Variants in ST3GAL3 observed in about 807,000 individuals in gnomAD.
ST3GAL3 encodes ST3 beta-galactoside alpha-2,3-sialyltransferase 3.
A neutral mutation model predicts 50.1 loss-of-function variants in ST3GAL3; 21 were observed. That is an observed-to-expected ratio of 0.42 (90% CI 0.30 to 0.60). The LOEUF (loss-of-function observed/expected upper bound fraction) is 0.60. ST3GAL3 is among the 20% of genes least tolerant of loss of function. The pLI, the probability that ST3GAL3 is intolerant of heterozygous loss-of-function variation, is 0.19. For synonymous variants in ST3GAL3, 183 were observed against 190.0 expected, an observed-to-expected ratio of 0.96 and a Z score of 0.30; for missense variants, 353 against 489.4, an observed-to-expected ratio of 0.72 and a Z score of 2.63.
At chr1:43,815,603 G>C (rs529779180) in intron 4 of ST3GAL3, among the ~76,000 whole-genome samples, 269 of 152,296 alleles carry the variant, frequency 1.8e-3, no homozygotes, top group Non-Finnish European at 3.5e-3. Context: ...CTAGTAGATA[G>C]CTTGGTTCAA....
chr1:43,900,653 G>T (rs1023175835), intron 9 of ST3GAL3: 15 of 152,352 alleles, frequency 9.8e-5, no homozygotes, highest in Admixed American at 5.9e-4. Context: ...ACAGTGAGAA[G>T]CTGATTGTTC....
chr1:43,713,552 TACTC>T (rs1349575071), intron 1 of ST3GAL3, among the ~76,000 whole-genome samples: 48 of 112,256 alleles, frequency 4.3e-4, no homozygotes, highest in African/African-American at 1.5e-3. Flanking sequence ...TTGAGAAAAG[TACTC>T]ACTCTATCAC....
At chr1:43,814,987 T>C in intron 4 of ST3GAL3, 54 bp downstream of exon 4, 1 of 1,557,612 alleles carries the variant, frequency 6.4e-7, no homozygotes, top group Non-Finnish European at 8.9e-7. Context: ...CTGTGAGAGC[T>C]GGGTCTCACT....
chr1:43,868,307 A>C (rs1282509360), intron 5 of ST3GAL3, among the ~76,000 whole-genome samples: 1 of 152,212 alleles, frequency 6.6e-6, no homozygotes, highest in Non-Finnish European at 1.5e-5. Flanking sequence ...ATGGAAGGAA[A>C]AGTCTGGAAG....
At chr1:43,849,248 T>C (rs940062555) in intron 5 of ST3GAL3, among the ~76,000 whole-genome samples, 1 of 151,866 alleles carries the variant, frequency 6.6e-6, no homozygotes, top group Non-Finnish European at 1.5e-5. Flanking sequence ...CTTTTTTTTT[T>C]TTCATATGGG....
In ST3GAL3 at chr1:43,851,661, G is replaced by T; in HGVS notation, c.302+13350G>T. ...ACCTCAACATCGCTGTCTTTGAGGG[G>T]CTGCGCCAGCATCTTGTCATGTGAG... On this transcript the variant is annotated intron_variant, in intron 5 of 11. Coordinates refer to ENST00000347631, the MANE Select transcript of ST3GAL3 (RefSeq NM_006279.5). 4 of 1,307,678 alleles carry T rather than the reference G, an allele frequency of 3.1e-6. No individual in the cohort carries two copies. The South Asian group carries it at 3.6e-5, about 12-fold the overall frequency. The allele number at this position is 1,307,678 out of a possible 1,614,324, so 81.0% of individuals were successfully genotyped here. A position where few individuals can be genotyped will look rare whatever the true frequency, so the allele number is the denominator to read the frequency against.
intron 5 of ST3GAL3, 91 bp downstream of exon 5, chr1:43,838,402 C>A: frequency 8.3e-7 from 1 of 1,208,100 alleles, no homozygotes; most frequent in South Asian, 1.2e-5. Context: ...GTCATGTTCT[C>A]CTATGCTCTG....
At chr1:43,763,037 G>T (rs1251842240) in intron 2 of ST3GAL3, among the ~76,000 whole-genome samples, 1 of 152,124 alleles carries the variant, frequency 6.6e-6, no homozygotes, top group Non-Finnish European at 1.5e-5. Context: ...TTCCCCTACT[G>T]GGATTCTTGC....
chr1:43,738,237 C>G (rs956331202), intron 2 of ST3GAL3: 2 of 152,194 alleles, frequency 1.3e-5, no homozygotes, highest in African/African-American at 4.8e-5. Context: ...TTGAAGGTGA[C>G]AAGCTGCTAT....
chr1:43,720,541 C>G (rs1278433949), intron 1 of ST3GAL3: 2 of 152,206 alleles, frequency 1.3e-5, no homozygotes, highest in African/African-American at 4.8e-5. Context: ...TGTATCATCT[C>G]ATGGCAGGAC....
At chr1:43,713,573 TGGA>T (rs2154059994) in intron 1 of ST3GAL3, among the ~76,000 whole-genome samples, 1 of 142,444 alleles carries the variant, frequency 7.0e-6, no homozygotes, top group East Asian at 2.3e-4. Context: ...TCACCCAGGC[TGGA>T]GTGCACTGGC....
intron 11 of ST3GAL3, among the ~76,000 whole-genome samples, chr1:43,928,186 A>G (rs533236968): frequency 6.6e-6 from 1 of 152,208 alleles, no homozygotes; most frequent in African/African-American, 2.4e-5. Flanking sequence ...TGGGGTTTCT[A>G]TATGTTGCCC....
At chr1:43,868,068 A>G (rs891526776) in intron 5 of ST3GAL3, among the ~76,000 whole-genome samples, 4 of 152,232 alleles carry the variant, frequency 2.6e-5, no homozygotes, top group East Asian at 1.9e-4. Flanking sequence ...TTATTTTAAT[A>G]TGCTGTTGCA....
At chr1:43,915,219 C>T (rs967036698) in intron 9 of ST3GAL3, among the ~76,000 whole-genome samples, 1 of 152,174 alleles carries the variant, frequency 6.6e-6, no homozygotes, top group Non-Finnish European at 1.5e-5. Context: ...AGCTGCTGGT[C>T]ACTGGGCGCC....
At chr1:43,907,214 A>G (rs1488762688) in intron 9 of ST3GAL3, among the ~76,000 whole-genome samples, 1 of 152,174 alleles carries the variant, frequency 6.6e-6, no homozygotes, top group Non-Finnish European at 1.5e-5. Context: ...ATTGCACTAT[A>G]ACACCTCCCA....
chr1:43,782,336 C>T (rs1447980617), intron 2 of ST3GAL3, among the ~76,000 whole-genome samples: 1 of 152,194 alleles, frequency 6.6e-6, no homozygotes, highest in Non-Finnish European at 1.5e-5. Context: ...TGTCTGTCAC[C>T]TGGCTTACCA....
At chr1:43,744,683 T>TAAATAAATAAATAAAA (rs1340747335) in intron 2 of ST3GAL3, among the ~76,000 whole-genome samples, 1 of 143,066 alleles carries the variant, frequency 7.0e-6, no homozygotes, top group Non-Finnish European at 1.5e-5. Flanking sequence ...AATAAATAAA[T>TAAATAAATAAATAAAA]AAATAAAATA....
At chr1:43,897,238 G>A (rs115079679) in intron 6 of ST3GAL3, among the ~76,000 whole-genome samples, 2,947 of 152,220 alleles carry the variant, frequency 0.019, 46 homozygotes, top group Non-Finnish European at 0.029. Flanking sequence ...GGATCTTAGT[G>A]TCTGCACATC....
chr1:43,928,580 A>C (rs1013137839), intron 11 of ST3GAL3, among the ~76,000 whole-genome samples: 2 of 151,172 alleles, frequency 1.3e-5, no homozygotes, highest in African/African-American at 4.9e-5. Flanking sequence ...AGCCTGGGCA[A>C]CAGAGCAAGA....
Sources: allele counts gnomAD v4.1 joint callset (sites outside exome capture counted in the v4.1 genomes callset), GRCh38; gene constraint gnomAD v4.1.1; transcripts MANE v1.5; gene names NCBI Gene and HGNC (gene_info 2026-07-23, HGNC 2026-07-21).